CNIH3: variants seen among roughly 807,000 people sequenced by gnomAD.
The protein encoded by CNIH3 is protein cornichon homolog 3.
CNIH3 carries 14 observed loss-of-function variants against 24.1 expected under a neutral mutation model. That is an observed-to-expected ratio of 0.58 (90% CI 0.38 to 0.91). CNIH3 has a LOEUF of 0.91. Among genes scored for constraint, CNIH3 ranks in the 40% least tolerant of loss-of-function variants. The probability of loss-of-function intolerance (pLI) is 0.00; values close to 1 mark genes in which losing one functional copy is unlikely to be tolerated. For synonymous variants in CNIH3, 68 were observed against 73.8 expected, an observed-to-expected ratio of 0.92 and a Z score of 0.40; for missense variants, 178 against 196.8, an observed-to-expected ratio of 0.90 and a Z score of 0.57.
At chr1:224,490,572 C>A (rs1271643001) in intron 1 of CNIH3, among the ~76,000 whole-genome samples, 2 of 152,202 alleles carry the variant, frequency 1.3e-5, no homozygotes, top group East Asian at 3.8e-4. Context: ...CCCTATAACT[C>A]ATTTGAAATT....
chr1:224,669,894 G>A (rs1026063591), intron 1 of CNIH3, among the ~76,000 whole-genome samples: 6 of 152,092 alleles, frequency 3.9e-5, no homozygotes, highest in Admixed American at 6.5e-5. Flanking sequence ...GAGACATGCC[G>A]ACTTGCATGG....
chr1:224,643,010 G>C (rs752851646), intron 1 of CNIH3, among the ~76,000 whole-genome samples: 2 of 152,094 alleles, frequency 1.3e-5, no homozygotes, highest in African/African-American at 2.4e-5. Flanking sequence ...ATTCCTAAAG[G>C]GTCCTCCATT....
chr1:224,727,132 G>A (rs77923669), intron 3 of CNIH3, among the ~76,000 whole-genome samples: 2,026 of 152,300 alleles, frequency 0.013, 23 homozygotes, highest in Non-Finnish European at 0.022. Flanking sequence ...GTGTCCTGCC[G>A]GCCTCGATGG....
intron 4 of CNIH3, among the ~76,000 whole-genome samples, chr1:224,571,179 A>C (rs192805523): frequency 1.2e-4 from 18 of 152,252 alleles, no homozygotes; most frequent in Admixed American, 3.3e-4. Context: ...ACTTCTCTGT[A>C]AACTTTGGGT....
intron 1 of CNIH3, among the ~76,000 whole-genome samples, chr1:224,445,413 T>C (rs1342739301): frequency 6.6e-6 from 1 of 151,528 alleles, no homozygotes; most frequent in African/African-American, 2.4e-5. Context: ...CTGTCTCTAC[T>C]AAAAATACGA....
chr1:224,587,973 A>G (rs914956932), intron 5 of CNIH3, among the ~76,000 whole-genome samples: 1 of 151,858 alleles, frequency 6.6e-6, no homozygotes, highest in Admixed American at 6.6e-5. Context: ...AAACCTAAAA[A>G]CTAACAAATA....
intron 1 of CNIH3, among the ~76,000 whole-genome samples, chr1:224,675,962 C>A (rs1008188285): frequency 8.5e-5 from 13 of 152,200 alleles, no homozygotes; most frequent in African/African-American, 2.9e-4. Flanking sequence ...TAAATCTACA[C>A]TTACCACATG....
chr1:224,662,148 C>G (rs1558266019), intron 1 of CNIH3, among the ~76,000 whole-genome samples: 1 of 152,072 alleles, frequency 6.6e-6, no homozygotes, highest in South Asian at 2.1e-4. Context: ...ATAACCCTTT[C>G]TTAATTGGAA....
chr1:224,699,858 T>A (rs556835168), intron 3 of CNIH3, among the ~76,000 whole-genome samples: 1 of 152,302 alleles, frequency 6.6e-6, no homozygotes, highest in Admixed American at 6.5e-5. Context: ...TTGGGTTGAA[T>A]GAAGGTTGCC....
At chr1:224,574,878 G>C (rs1356199487) in intron 4 of CNIH3, 1 of 1,003,084 alleles carries the variant, frequency 1.0e-6, no homozygotes, top group African/African-American at 1.6e-5. Flanking sequence ...GGGCATGGAA[G>C]AGCTGGTGGA....
intron 3 of CNIH3, among the ~76,000 whole-genome samples, chr1:224,560,660 TCTGTCA>T (rs200070915): frequency 0.014 from 2,120 of 151,914 alleles, 19 homozygotes; most frequent in Non-Finnish European, 0.021. Flanking sequence ...TGCCTGATGA[TCTGTCA>T]CTGTCTCCCA....
downstream of CNIH3, among the ~76,000 whole-genome samples, chr1:224,593,463 A>G (rs568200543): frequency 2.0e-5 from 3 of 152,342 alleles, no homozygotes; most frequent in East Asian, 5.8e-4. Flanking sequence ...TGGCTTGCCT[A>G]AAGTCACACA....
chr1:224,591,592 A>G (rs984470061), downstream of CNIH3, among the ~76,000 whole-genome samples: 2 of 152,126 alleles, frequency 1.3e-5, no homozygotes, highest in Non-Finnish European at 2.9e-5. Flanking sequence ...AATGGTTCCA[A>G]CTGGAGGACT....
chr1:224,439,810 A>T (rs1674815827), intron 1 of CNIH3, among the ~76,000 whole-genome samples: 1 of 150,354 alleles, frequency 6.7e-6, no homozygotes, highest in Admixed American at 6.6e-5. Context: ...GTTTTTTGAG[A>T]TGGGGTCTCG....
At chr1:224,569,886 C>T (rs927814518) in intron 4 of CNIH3, among the ~76,000 whole-genome samples, 2 of 152,032 alleles carry the variant, frequency 1.3e-5, no homozygotes, top group African/African-American at 4.8e-5. Context: ...CGGGTTCAAG[C>T]GATTCTCTTG....
At chr1:224,590,676 T>C (rs1043335828), downstream of CNIH3, among the ~76,000 whole-genome samples, 1 of 152,152 alleles carries the variant, frequency 6.6e-6, no homozygotes, top group Non-Finnish European at 1.5e-5. Context: ...CCTCGTGACC[T>C]AAACACCCCC....
At chr1:224,488,935 A>C (rs1449590447) in intron 1 of CNIH3, among the ~76,000 whole-genome samples, 4 of 152,126 alleles carry the variant, frequency 2.6e-5, no homozygotes, top group Non-Finnish European at 5.9e-5. Flanking sequence ...TAGTTGTAAT[A>C]ATTGTTTCAT....
At chr1:224,438,294 G>A (rs1674755474) in intron 1 of CNIH3, among the ~76,000 whole-genome samples, 1 of 151,404 alleles carries the variant, frequency 6.6e-6, no homozygotes, top group Non-Finnish European at 1.5e-5. Context: ...TTGAGCTCGA[G>A]CAATCCTCCC....
chr1:224,724,498 A>G (rs1463380475), intron 3 of CNIH3, among the ~76,000 whole-genome samples: 1 of 152,264 alleles, frequency 6.6e-6, no homozygotes, highest in Non-Finnish European at 1.5e-5. Flanking sequence ...CAAATGGAGA[A>G]TGATCTCCAT....
Sources: allele counts gnomAD v4.1 joint callset (sites outside exome capture counted in the v4.1 genomes callset), GRCh38; gene constraint gnomAD v4.1.1; transcripts MANE v1.5; gene names NCBI Gene and HGNC (gene_info 2026-07-23, HGNC 2026-07-21).